Variants in PDE10A observed in about 807,000 individuals in gnomAD.
PDE10A encodes phosphodiesterase 10A.
Under a neutral mutation model 97.7 loss-of-function variants are expected in PDE10A, and 39 were observed. The observed-to-expected ratio is 0.40, with a 90% CI of 0.31 to 0.52. PDE10A has a LOEUF of 0.52. PDE10A is among the 20% of genes least tolerant of loss of function. The pLI is 0.56. For missense variants in PDE10A, 731 were observed against 1,047.8 expected, an observed-to-expected ratio of 0.70 and a Z score of 4.17; for synonymous variants, 371 against 376.8, an observed-to-expected ratio of 0.98 and a Z score of 0.18.
intron 12 of PDE10A, among the ~76,000 whole-genome samples, chr6:165,414,177 A>C (rs933730155): frequency 4.0e-4 from 61 of 152,324 alleles, no homozygotes; most frequent in African/African-American, 1.5e-3. Flanking sequence ...CCTGTTTATA[A>C]GTAAAGTTGT....
intron 1 of PDE10A, among the ~76,000 whole-genome samples, chr6:165,583,521 C>G (rs894164640): frequency 6.6e-6 from 1 of 152,186 alleles, no homozygotes; most frequent in Non-Finnish European, 1.5e-5. Context: ...AATGATATAA[C>G]TTCAAGGTAT....
At chr6:165,601,057 A>AG (rs928373587) in intron 1 of PDE10A, among the ~76,000 whole-genome samples, 4 of 152,294 alleles carry the variant, frequency 2.6e-5, no homozygotes, top group South Asian at 4.1e-4. Flanking sequence ...GGTGGGACCC[A>AG]GGGGGGTGGT....
Position 165,671,436 on chromosome 6 carries a change from G to A in PDE10A, c.-614-127868C>T, listed in dbSNP as rs1003115329. Reference sequence around the variant, plus strand: ...ATTTACTGCCCAGAACTGAACATGAGCCCATTCACAGGGCCACTTAGGATT... The same window carrying A: ...ATTTACTGCCCAGAACTGAACATGAACCCATTCACAGGGCCACTTAGGATT... On this transcript the variant is annotated intron_variant, in intron 1 of 19. Transcript: ENST00000366882. This position sits in a 1 kb window ranked among gnomAD's most constrained non-coding sequence, Gnocchi z 4.6. Among the ~76,000 whole-genome samples the A allele has an allele frequency of 6.6e-6, 1 of 152,098 alleles. No homozygotes were observed. Among genetic ancestry groups the A allele is most frequent in the Non-Finnish European group, 1.5e-5 (1 of 68,032 alleles).
intron 1 of PDE10A, among the ~76,000 whole-genome samples, chr6:165,953,008 A>G (rs907192990): frequency 6.6e-6 from 1 of 152,198 alleles, no homozygotes; most frequent in Non-Finnish European, 1.5e-5. Flanking sequence ...TCTGAAGTGA[A>G]GCAGGGAGAC....
intron 1 of PDE10A, among the ~76,000 whole-genome samples, chr6:165,821,716 T>C (rs899071184): frequency 6.6e-6 from 1 of 152,038 alleles, no homozygotes; most frequent in Non-Finnish European, 1.5e-5. Context: ...TTTGTTTTTG[T>C]GTTTTTAGTA....
intron 1 of PDE10A, among the ~76,000 whole-genome samples, chr6:165,752,099 C>T (rs888980049): frequency 8.4e-5 from 12 of 142,706 alleles, no homozygotes; most frequent in African/African-American, 1.9e-4. Context: ...GCCAAGATCA[C>T]GCCACTGCAC....
chr6:165,549,486 G>A (rs184479277), intron 1 of PDE10A, among the ~76,000 whole-genome samples: 68 of 152,080 alleles, frequency 4.5e-4, no homozygotes, highest in Admixed American at 9.8e-4. Context: ...CACCACGCCC[G>A]GCCAATTTTT....
At chr6:165,623,702 C>T (rs1044622400) in intron 1 of PDE10A, among the ~76,000 whole-genome samples, 1 of 152,134 alleles carries the variant, frequency 6.6e-6, no homozygotes, top group Non-Finnish European at 1.5e-5. Context: ...TTGCGGAACC[C>T]AATGGTGGGC....
intron 1 of PDE10A, among the ~76,000 whole-genome samples, chr6:165,656,217 T>C (rs1390736372): frequency 2.0e-5 from 3 of 148,248 alleles, no homozygotes; most frequent in Non-Finnish European, 4.4e-5. Context: ...GGCATGGAAC[T>C]ACTCCCATTC....
intron 3 of PDE10A, among the ~76,000 whole-genome samples, chr6:165,463,202 G>C (rs1179313853): frequency 1.3e-5 from 2 of 152,182 alleles, no homozygotes; most frequent in African/African-American, 2.4e-5. Context: ...TACAGCAAAA[G>C]TTCCTATTAT....
intron 1 of PDE10A, among the ~76,000 whole-genome samples, chr6:165,561,176 G>T (rs902393454): frequency 2.7e-5 from 4 of 150,544 alleles, no homozygotes; most frequent in Non-Finnish European, 5.9e-5. Flanking sequence ...CCGAGATCAC[G>T]CCACTGCACT....
At chr6:165,659,121 T>G (rs955968682) in intron 1 of PDE10A, among the ~76,000 whole-genome samples, 2 of 152,186 alleles carry the variant, frequency 1.3e-5, no homozygotes, top group African/African-American at 4.8e-5. Context: ...AACGCAGAGC[T>G]AAAATGGACA....
At chr6:165,888,139 C>T (rs979476738) in intron 1 of PDE10A, among the ~76,000 whole-genome samples, 1 of 152,188 alleles carries the variant, frequency 6.6e-6, no homozygotes, top group African/African-American at 2.4e-5. Context: ...TTGGCTCCAA[C>T]TTACTTTTTC....
At chr6:165,650,183 A>G (rs939988638) in intron 1 of PDE10A, among the ~76,000 whole-genome samples, 7 of 152,184 alleles carry the variant, frequency 4.6e-5, no homozygotes, top group Admixed American at 1.3e-4. Flanking sequence ...CCTAATGAAC[A>G]CGTGAACAGC....
At chr6:165,355,095 T>C (rs1464376435) in intron 18 of PDE10A, among the ~76,000 whole-genome samples, 1 of 152,200 alleles carries the variant, frequency 6.6e-6, no homozygotes, top group Non-Finnish European at 1.5e-5. Context: ...CATTCCATAT[T>C]AATCTTTTAA....
At chr6:165,600,798 G>A (rs1478081103) in intron 1 of PDE10A, among the ~76,000 whole-genome samples, 2 of 152,174 alleles carry the variant, frequency 1.3e-5, no homozygotes, top group Non-Finnish European at 2.9e-5. Flanking sequence ...TGAAGGACCT[G>A]CTAAACTCCT....
At chr6:165,844,852 A>G (rs1780366928) in intron 1 of PDE10A, among the ~76,000 whole-genome samples, 1 of 152,228 alleles carries the variant, frequency 6.6e-6, no homozygotes, top group African/African-American at 2.4e-5. Context: ...TGGTTAAAAT[A>G]ATAATTCATA....
chr6:165,525,322 T>G (rs1782372134), intron 2 of PDE10A, among the ~76,000 whole-genome samples: 1 of 152,118 alleles, frequency 6.6e-6, no homozygotes, highest in South Asian at 2.1e-4. Flanking sequence ...GCCCACTAAG[T>G]AGGGAGTCTA....
intron 1 of PDE10A, among the ~76,000 whole-genome samples, chr6:165,982,161 C>G (rs960925172): frequency 1.3e-5 from 2 of 152,074 alleles, no homozygotes; most frequent in Non-Finnish European, 2.9e-5. Flanking sequence ...TTCATCTGAC[C>G]ACATCATAGC....
Sources: gnomAD v4.1 joint callset for allele counts (sites outside exome capture counted in the v4.1 genomes callset) on GRCh38, gnomAD v4.1.1 for gene constraint, Gnocchi (gnomAD v3.1) non-coding constraint, MANE v1.5 for transcripts, NCBI Gene and HGNC (gene_info 2026-07-23, HGNC 2026-07-21) for gene names.